Variants in PTPRK observed in about 807,000 individuals in gnomAD.
The protein encoded by PTPRK is receptor-type tyrosine-protein phosphatase kappa.
Under a neutral mutation model 178.0 loss-of-function variants are expected in PTPRK, and 75 were observed. The observed-to-expected ratio is 0.42, with a 90% CI of 0.35 to 0.51. The LOEUF (loss-of-function observed/expected upper bound fraction) is 0.51, where lower values mean the gene tolerates loss of function less well. Among genes scored for constraint, PTPRK ranks in the 20% least tolerant of loss-of-function variants. The pLI is 0.02. For synonymous variants in PTPRK, 637 were observed against 620.6 expected (o/e 1.03, Z -0.39); for missense variants, 1,441 against 1,797.8 (o/e 0.80, Z 3.59).
intron 11 of PTPRK, among the ~76,000 whole-genome samples, chr6:128,074,350 A>T (rs985073190): frequency 6.6e-6 from 1 of 152,100 alleles, no homozygotes; most frequent in Admixed American, 6.6e-5. Context: ...TTTTTACAAC[A>T]TGCTGCTGTT....
chr6:128,351,877 T>G (rs1340369077), intron 2 of PTPRK, among the ~76,000 whole-genome samples: 1 of 152,122 alleles, frequency 6.6e-6, no homozygotes, highest in Non-Finnish European at 1.5e-5. Context: ...AGATCATCCA[T>G]CTCAATTTTC....
At chr6:128,109,482 A>C (rs1469971831) in intron 7 of PTPRK, among the ~76,000 whole-genome samples, 2 of 152,184 alleles carry the variant, frequency 1.3e-5, no homozygotes, top group African/African-American at 4.8e-5. Context: ...TGGTTCATCA[A>C]GACTAAAAAT....
intron 13 of PTPRK, among the ~76,000 whole-genome samples, chr6:128,049,706 G>T (rs545294227): frequency 6.6e-6 from 1 of 152,058 alleles, no homozygotes; most frequent in Non-Finnish European, 1.5e-5. Flanking sequence ...TACTTGTTAC[G>T]ATAGTTTCCT....
chr6:128,514,273 CAA>C (rs1857599936), intron 1 of PTPRK, among the ~76,000 whole-genome samples: 1 of 151,984 alleles, frequency 6.6e-6, no homozygotes, highest in African/African-American at 2.4e-5. Flanking sequence ...CTACTCTTTC[CAA>C]AAATGTTAAG....
intron 8 of PTPRK, among the ~76,000 whole-genome samples, chr6:128,085,609 G>A (rs572625124): frequency 4.6e-5 from 7 of 152,134 alleles, no homozygotes; most frequent in Non-Finnish European, 8.8e-5. Context: ...TTATTTTATC[G>A]AACATCGTTC....
At chr6:128,500,372 G>T (rs1236671823) in intron 1 of PTPRK, among the ~76,000 whole-genome samples, 1 of 151,604 alleles carries the variant, frequency 6.6e-6, no homozygotes, top group African/African-American at 2.4e-5. Context: ...TTGGGGGGGG[G>T]AGTCTCATTT....
intron 1 of PTPRK, among the ~76,000 whole-genome samples, chr6:128,517,687 CA>C (rs1319736706): frequency 1.3e-5 from 2 of 152,180 alleles, no homozygotes; most frequent in Non-Finnish European, 2.9e-5. Context: ...GTATATGACA[CA>C]TCAAAGTCCC....
chr6:128,093,085 C>A (rs1787261630), intron 7 of PTPRK, among the ~76,000 whole-genome samples: 1 of 152,144 alleles, frequency 6.6e-6, no homozygotes, highest in African/African-American at 2.4e-5. Context: ...CAATGGAGAA[C>A]ACATTCATGA....
Position 127,990,903 on chromosome 6 carries a change from T to C in PTPRK, c.2980-18A>G, listed in dbSNP as rs1243513378. 1 of 1,434,412 alleles carries C rather than the reference T, an allele frequency of 7.0e-7. No homozygotes were observed. The highest frequency in any genetic ancestry group is 9.8e-7 in the Non-Finnish European group (1 of 1,017,300). 88.9% of individuals were successfully genotyped at this position (1,434,412 alleles called of 1,614,324 possible). A position where few individuals can be genotyped will look rare whatever the true frequency, so the allele number is the denominator to read the frequency against. On this transcript the variant is annotated intron_variant, in intron 20 of 29. Coordinates refer to ENST00000368226, the MANE Select transcript of PTPRK (RefSeq NM_002844.4). ...CATTTAACCTAAGTGACAAAAAGAA[T>C]ATATAGACAGACCTGAATATATAAT...
At chr6:128,118,437 C>T (rs551139363) in intron 7 of PTPRK, among the ~76,000 whole-genome samples, 125 of 152,278 alleles carry the variant, frequency 8.2e-4, no homozygotes, top group African/African-American at 2.9e-3. Context: ...GAATTTTACA[C>T]ACCACTTTTT....
chr6:128,136,363 A>G (rs1795016070), intron 7 of PTPRK, among the ~76,000 whole-genome samples: 1 of 152,234 alleles, frequency 6.6e-6, no homozygotes, highest in Non-Finnish European at 1.5e-5. Flanking sequence ...TGCTTCCCTG[A>G]GCTGCGCTAT....
chr6:128,008,237 T>C lies in PTPRK; in HGVS notation c.2333+893A>G, dbSNP rs907053495. 8.7e-6 allele frequency: 3 copies of C among 344,542 alleles called. No homozygotes were observed. In the Admixed American group the frequency reaches 1.6e-4, roughly 18 times the overall value. The allele number at this position is 344,542 out of a possible 1,614,324, so 21.3% of individuals were successfully genotyped here. A position where few individuals can be genotyped will look rare whatever the true frequency, so the allele number is the denominator to read the frequency against. Reference sequence around the variant, plus strand: ...GTAAACTAGATAATTTAATGTAATATAAGCAACATCACTTATTATATTTTT... The same window carrying C: ...GTAAACTAGATAATTTAATGTAATACAAGCAACATCACTTATTATATTTTT... On this transcript the variant is annotated intron_variant, in intron 14 of 29. Transcript: ENST00000368226.
chr6:128,493,338 T>A (rs562018729), intron 1 of PTPRK, among the ~76,000 whole-genome samples: 6 of 152,172 alleles, frequency 3.9e-5, no homozygotes, highest in Non-Finnish European at 5.9e-5. Context: ...CAAGGTGGGC[T>A]GATCACGAGG....
chr6:128,400,850 T>A (rs1840926571), intron 1 of PTPRK, among the ~76,000 whole-genome samples: 1 of 152,188 alleles, frequency 6.6e-6, no homozygotes, highest in African/African-American at 2.4e-5. Flanking sequence ...AAACATACCT[T>A]ATGAATTTAA....
At chr6:128,339,212 C>T (rs1465610750) in intron 2 of PTPRK, among the ~76,000 whole-genome samples, 7 of 152,082 alleles carry the variant, frequency 4.6e-5, no homozygotes, top group Admixed American at 4.6e-4. Flanking sequence ...ACTTACACAG[C>T]TAACTTTTAA....
intron 7 of PTPRK, among the ~76,000 whole-genome samples, chr6:128,164,596 T>TA (rs1799129437): frequency 6.6e-6 from 1 of 151,274 alleles, no homozygotes; most frequent in Non-Finnish European, 1.5e-5. Context: ...AAAAAGGTTT[T>TA]AAAAAACACA....
chr6:128,094,107 C>T (rs151010278), intron 7 of PTPRK, among the ~76,000 whole-genome samples: 282 of 152,192 alleles, frequency 1.9e-3, no homozygotes, highest in African/African-American at 6.0e-3. Flanking sequence ...TGCAATCCCA[C>T]TTGGTTGCTG....
chr6:128,046,273 T>C (rs1170555879), intron 13 of PTPRK, among the ~76,000 whole-genome samples: 5 of 152,160 alleles, frequency 3.3e-5, no homozygotes, highest in Non-Finnish European at 7.3e-5. Context: ...TTTTGACAAC[T>C]TGTGCATAGA....
At chr6:128,313,953 G>A (rs934743236) in intron 3 of PTPRK, among the ~76,000 whole-genome samples, 1 of 152,104 alleles carries the variant, frequency 6.6e-6, no homozygotes, top group African/African-American at 2.4e-5. Context: ...AGATTGCAAA[G>A]CTCACATAAC....
Sources: allele counts gnomAD v4.1 joint callset (sites outside exome capture counted in the v4.1 genomes callset), GRCh38; gene constraint gnomAD v4.1.1; transcripts MANE v1.5; gene names NCBI Gene and HGNC (gene_info 2026-07-23, HGNC 2026-07-21).